Variants in SIL1 observed in about 807,000 individuals in gnomAD.
SIL1 encodes SIL1 nucleotide exchange factor.
In SIL1, 40 loss-of-function variants were observed where a neutral mutation model predicts 49.1. The ratio of observed to expected loss-of-function variants is 0.81; its 90% confidence interval spans 0.63 to 1.06. The LOEUF (loss-of-function observed/expected upper bound fraction) is 1.06. SIL1 is among the 50% of genes least tolerant of loss of function. SIL1 has a pLI of 0.00. For missense variants in SIL1, 500 were observed against 572.6 expected (o/e 0.87, Z 1.29); for synonymous variants, 253 against 250.8 (o/e 1.01, Z -0.08).
At chr5:139,024,153 T>C (rs1464764929) in intron 6 of SIL1, among the ~76,000 whole-genome samples, 2 of 152,218 alleles carry the variant, frequency 1.3e-5, no homozygotes, top group African/African-American at 4.8e-5. Context: ...CAAGAGCCCA[T>C]GGTGACCTGA....
chr5:139,084,932 T>C (rs1770179799), intron 3 of SIL1, among the ~76,000 whole-genome samples: 1 of 152,208 alleles, frequency 6.6e-6, no homozygotes, highest in South Asian at 2.1e-4. Context: ...TTTACACTTA[T>C]CACTAATAAT....
rs543360910 is a variant in SIL1, at chr5:138,948,513, C to T, written c.1030-1040G>A. ...AAAATCAATCCCTTCCCTGGGACTG[C>T]GAGGCTCTGCAGGCTCTGCCCCCAC... On this transcript the variant is annotated intron_variant, in intron 9 of 9. Coordinates refer to ENST00000394817, the MANE Select transcript of SIL1 (RefSeq NM_022464.5). This position sits in a 1 kb window ranked among gnomAD's most constrained non-coding sequence, Gnocchi z 4.8. Among the ~76,000 whole-genome samples the T allele has an allele frequency of 4.6e-5, 7 of 152,296 alleles. No homozygotes were observed. The East Asian group carries it at 9.6e-4, about 21-fold the overall frequency.
intron 3 of SIL1, among the ~76,000 whole-genome samples, chr5:139,115,393 T>C (rs1368599483): frequency 1.3e-5 from 2 of 152,144 alleles, no homozygotes; most frequent in African/African-American, 4.8e-5. Context: ...TGACTCTTGG[T>C]TGGAGGTTCT....
At chr5:139,038,633 A>G (rs1428434283) in intron 5 of SIL1, among the ~76,000 whole-genome samples, 1 of 151,930 alleles carries the variant, frequency 6.6e-6, no homozygotes, top group Non-Finnish European at 1.5e-5. Flanking sequence ...TCGTACCCCT[A>G]CTCTCTAGTT....
intron 7 of SIL1, among the ~76,000 whole-genome samples, chr5:139,018,827 T>A (rs1421191685): frequency 6.6e-6 from 1 of 152,194 alleles, no homozygotes; most frequent in East Asian, 1.9e-4. Flanking sequence ...TGTATATTAT[T>A]TGATACTCAC....
intron 7 of SIL1, among the ~76,000 whole-genome samples, chr5:139,010,708 T>G (rs1426145029): frequency 9.9e-5 from 15 of 151,166 alleles, no homozygotes; most frequent in Non-Finnish European, 2.2e-4. Context: ...GCAGGTCTGT[T>G]GGAATACCCT....
chr5:139,102,860 A>G (rs1770623708), intron 3 of SIL1, among the ~76,000 whole-genome samples: 1 of 151,966 alleles, frequency 6.6e-6, no homozygotes, highest in South Asian at 2.1e-4. Flanking sequence ...GATTACAGGC[A>G]TGCACCACCA....
chr5:139,058,875 T>C (rs1419044929), intron 3 of SIL1, among the ~76,000 whole-genome samples: 1 of 151,946 alleles, frequency 6.6e-6, no homozygotes, highest in Admixed American at 6.6e-5. Flanking sequence ...TGGAGAACAG[T>C]GTTTAGAAGC....
intron 9 of SIL1, among the ~76,000 whole-genome samples, chr5:138,949,049 A>T (rs1766701272): frequency 6.6e-6 from 1 of 152,250 alleles, no homozygotes; most frequent in African/African-American, 2.4e-5. Context: ...GCAGCAGCAG[A>T]CAGACTACAA....
intron 3 of SIL1, among the ~76,000 whole-genome samples, chr5:139,077,343 A>G (rs1769974889): frequency 6.6e-6 from 1 of 152,214 alleles, no homozygotes; most frequent in African/African-American, 2.4e-5. Flanking sequence ...CTTCCAAACT[A>G]CAAAAAGAAT....
At chr5:139,011,332 G>C (rs978016547) in intron 7 of SIL1, among the ~76,000 whole-genome samples, 1 of 152,206 alleles carries the variant, frequency 6.6e-6, no homozygotes, top group African/African-American at 2.4e-5. Flanking sequence ...CCCGCACCGT[G>C]CGCGCACCCA....
chr5:138,971,600 C>T (rs188800732), intron 7 of SIL1, among the ~76,000 whole-genome samples: 47 of 152,308 alleles, frequency 3.1e-4, no homozygotes, highest in African/African-American at 9.6e-4. Flanking sequence ...ACCTCAGCAC[C>T]TTTGACGGGG....
At chr5:139,068,770 A>G (rs566667978) in intron 3 of SIL1, among the ~76,000 whole-genome samples, 132 of 152,250 alleles carry the variant, frequency 8.7e-4, no homozygotes, top group Middle Eastern at 3.4e-3. Context: ...TGAGCAATAG[A>G]AAGTATTATG....
In SIL1 at chr5:139,040,592, G is replaced by A. The variant is rs112617583; in HGVS notation, c.453+2028C>T. ...AGGCTCACTGCAACCTCCACCTCCC[G>A]GTTTCAAGTGATTCTCCCACCTCAG... On this transcript the variant is annotated intron_variant, in intron 5 of 9. Coordinates refer to ENST00000394817, the MANE Select transcript of SIL1 (RefSeq NM_022464.5). Among the ~76,000 whole-genome samples, 551 of 146,146 alleles carry A rather than the reference G, an allele frequency of 3.8e-3. 2 individuals carry two copies. The highest frequency in any genetic ancestry group is 6.3e-3 in the Non-Finnish European group (419 of 66,962).
chr5:139,106,675 A>C (rs1430445037), intron 3 of SIL1, among the ~76,000 whole-genome samples: 1 of 152,214 alleles, frequency 6.6e-6, no homozygotes, highest in African/African-American at 2.4e-5. Flanking sequence ...AAGCAAAAAT[A>C]AAAACTCCAA....
At chr5:139,029,665 A>C (rs1452997405) in intron 5 of SIL1, among the ~76,000 whole-genome samples, 4 of 151,426 alleles carry the variant, frequency 2.6e-5, no homozygotes, top group Admixed American at 2.6e-4. Flanking sequence ...CGCCTGGCTA[A>C]AATTTTTAGT....
chr5:139,126,912 G>A (rs886753704), intron 2 of SIL1, among the ~76,000 whole-genome samples: 3 of 152,328 alleles, frequency 2.0e-5, no homozygotes, highest in Non-Finnish European at 4.4e-5. Flanking sequence ...GGGGAAGGTG[G>A]CCAGGGGAGG....
At chr5:139,018,533 T>C (rs571755198) in intron 7 of SIL1, among the ~76,000 whole-genome samples, 35 of 136,652 alleles carry the variant, frequency 2.6e-4, no homozygotes, top group South Asian at 2.0e-3. Context: ...GAGGTTGCAG[T>C]GAGCCAAGAT....
chr5:138,947,165 G>T lies in SIL1; in HGVS notation c.1338C>A (p.Phe446Leu), dbSNP rs1766648296. 1 of 1,613,552 alleles carries T rather than the reference G, an allele frequency of 6.2e-7. No individual in the cohort carries two copies. The highest frequency in any genetic ancestry group is 1.1e-5 in the South Asian group (1 of 91,084). The change falls in exon 10 of 10, where the codon TTC becomes TTA. Residue 446 changes from phenylalanine to leucine, a missense_variant. By Grantham distance (22) the Phe-to-Leu change is conservative (BLOSUM62 0). Transcript: ENST00000394817. The surrounding 1 kb of genome is among the most constrained non-coding windows in gnomAD (Gnocchi z 4.1). ...TGTTGACAGAGCCCAGCAGCTCCTG[G>T]AAGTAGCCCTCGTCCTCACCATCCT... ...ELQDGEDEGY[F>L]QELLGSVNSL...
Sources: allele counts gnomAD v4.1 joint callset (sites outside exome capture counted in the v4.1 genomes callset), GRCh38; gene constraint gnomAD v4.1.1; non-coding constraint Gnocchi (gnomAD v3.1); transcripts MANE v1.5; gene names NCBI Gene and HGNC (gene_info 2026-07-23, HGNC 2026-07-21).